Variants in PRKDC observed in about 807,000 individuals in gnomAD.
The protein encoded by PRKDC is DNA-dependent protein kinase catalytic subunit.
In PRKDC, 82 loss-of-function variants were observed where a neutral mutation model predicts 486.9. That is an observed-to-expected ratio of 0.17 (90% CI 0.14 to 0.20). The LOEUF (loss-of-function observed/expected upper bound fraction) is 0.20. Ranked by LOEUF, PRKDC falls within the 10% of genes least tolerant of loss-of-function variation. The pLI, the probability that PRKDC is intolerant of heterozygous loss-of-function variation, is 1.00. For missense variants in PRKDC, 4,504 were observed against 5,038.2 expected, an observed-to-expected ratio of 0.89 and a Z score of 3.21; for synonymous variants, 1,895 against 1,837.0, an observed-to-expected ratio of 1.03 and a Z score of -0.81.
At chr8:47,940,700 T>C (rs1589808063) in intron 10 of PRKDC, among the ~76,000 whole-genome samples, 1 of 152,366 alleles carries the variant, frequency 6.6e-6, no homozygotes, top group South Asian at 2.1e-4. Flanking sequence ...GTATTCCCAG[T>C]AAGCATGTTT....
In PRKDC at chr8:47,854,214, C is replaced by A; in HGVS notation, c.6762G>T (p.Arg2254Ser). The change falls in exon 51 of 86, where the codon AGG becomes AGT. Residue 2254 changes from arginine to serine, a missense_variant and splice_region_variant. This residue lies in a region of PRKDC where 1,592 missense variants were observed against 1,724.6 expected (regional missense o/e 0.92). Coordinates refer to ENST00000314191, the MANE Select transcript of PRKDC (RefSeq NM_006904.7). The stretch of plus-strand genomic sequence containing the variant: ...TACCGGAAAACTTTTCAAATATTAA[C>A]CTGAAACATAAGCACAAAGGAGAAA... ...CWKDCLSIPY[R>S]LIFEKFSGKD... is the part of the protein sequence containing the mutation. 6.2e-7 allele frequency: 1 copy of A among 1,612,452 alleles called. No homozygotes were observed. Among genetic ancestry groups the A allele is most frequent in the Non-Finnish European group, 8.5e-7 (1 of 1,178,524 alleles).
At chr8:47,798,520 A>G in intron 72 of PRKDC, 123 bp from the exon 73 acceptor site, 2 of 1,045,096 alleles carry the variant, frequency 1.9e-6, no homozygotes, top group East Asian at 2.7e-5. Flanking sequence ...TTCTCTTCTT[A>G]ACTACCACTT....
chr8:47,820,723 A>G lies in PRKDC; in HGVS notation c.9332T>C (p.Met3111Thr). Residue 3111 changes from methionine to threonine, a missense_variant, in exon 66 of 86, where the codon ATG becomes ACG. By Grantham distance (81) the Met-to-Thr change is moderately conservative. Transcript: ENST00000314191. The part of the protein sequence containing the change: ...YYIQNGIQSF[M>T]QNYSSIDVLL... ...ATATATAATATATAGTATTACCTGCATAAAACTCTGAATGCCATTTTGAAT... is the reference window on the plus strand; with the variant it reads ...ATATATAATATATAGTATTACCTGCGTAAAACTCTGAATGCCATTTTGAAT... 6.5e-7 allele frequency: 1 copy of G among 1,526,812 alleles called. No homozygotes were observed. Among genetic ancestry groups the G allele is most frequent in the Non-Finnish European group, 8.9e-7 (1 of 1,129,240 alleles). 94.6% of individuals were successfully genotyped at this position (1,526,812 alleles called of 1,614,324 possible).
chr8:47,919,642 A>G (rs560652492), intron 21 of PRKDC, among the ~76,000 whole-genome samples: 5 of 151,324 alleles, frequency 3.3e-5, no homozygotes, highest in Non-Finnish European at 4.4e-5. Flanking sequence ...CTCTCTAGCT[A>G]GTTCTTTTCC....
At chr8:47,943,701 C>G (rs933247187) in intron 9 of PRKDC, among the ~76,000 whole-genome samples, 152 bp downstream of exon 9, 2 of 152,234 alleles carry the variant, frequency 1.3e-5, no homozygotes, top group Admixed American at 6.5e-5. Context: ...CCAGAGCTTA[C>G]TAAGTCACCG....
intron 25 of PRKDC, among the ~76,000 whole-genome samples, chr8:47,907,691 C>T (rs1173860133): frequency 2.6e-5 from 4 of 151,818 alleles, no homozygotes; most frequent in African/African-American, 7.3e-5. Flanking sequence ...TCCACCACCA[C>T]GCCCGGCTAA....
chr8:47,893,353 A>T lies in PRKDC; in HGVS notation c.3633T>A (p.Val1211=), dbSNP rs1203661896. The change falls in exon 31 of 86, where the codon GTT becomes GTA. Residue 1211 remains valine, a synonymous_variant. Coordinates refer to ENST00000314191, the MANE Select transcript of PRKDC (RefSeq NM_006904.7). ...GAAAAGAGACACCTTCTTCCTTGAGAACATCTTTCAGCCACAAATTAGGGG... is the reference window on the plus strand; with the variant it reads ...GAAAAGAGACACCTTCTTCCTTGAGTACATCTTTCAGCCACAAATTAGGGG... ...NRSPNLWLKD[V]LKEEGVSFLI... is the part of the protein sequence containing the mutation. 1 of 1,553,188 alleles carries T rather than the reference A, an allele frequency of 6.4e-7. No individual in the cohort carries two copies. Among genetic ancestry groups the T allele is most frequent in the Non-Finnish European group, 8.8e-7 (1 of 1,142,462 alleles).
chr8:47,889,130 G>A lies in PRKDC; in HGVS notation c.4164C>T (p.Asp1388=), dbSNP rs753755880. 1.4e-5 allele frequency: 23 copies of A among 1,613,964 alleles called. No individual in the cohort carries two copies. The highest frequency in any genetic ancestry group is 1.1e-4 in the East Asian group (5 of 44,886). Reference sequence around the variant, plus strand: ...CAGGAAGATGAGCCATAACCTGGACGTCTCCGATGTTGAAACCTATGCTTG... The same window carrying A: ...CAGGAAGATGAGCCATAACCTGGACATCTCCGATGTTGAAACCTATGCTTG... ...EPASIGFNIG[D]VQVMAHLPDV... The change falls in exon 33 of 86, where the codon GAC becomes GAT. Residue 1388 remains aspartate (D), a synonymous_variant. Coordinates refer to ENST00000314191, the MANE Select transcript of PRKDC (RefSeq NM_006904.7).
chr8:47,799,158 TAAGAC>T, intron 72 of PRKDC, 47 bp downstream of exon 72: 1 of 1,601,280 alleles, frequency 6.2e-7, no homozygotes, highest in Non-Finnish European at 8.5e-7. Flanking sequence ...ACAAAATTCA[TAAGAC>T]TTTATGCTGA....
In PRKDC at chr8:47,960,106, A is replaced by C. The variant is rs1365742632; in HGVS notation, c.21T>G (p.Gly7=). MAGSGA[G]VRCSLLRLQE... ...GCAGCCGCAGCAGGGAGCAACGCAC[A>C]CCGGCTCCGGAGCCCGCCATGCCGC... Residue 7 remains glycine, a synonymous_variant, in exon 1 of 86, where the codon GGT becomes GGG. Coordinates refer to ENST00000314191, the MANE Select transcript of PRKDC (RefSeq NM_006904.7). The C allele has an allele frequency of 1.3e-6, 2 of 1,510,898 alleles. No individual in the cohort carries two copies. Among genetic ancestry groups the C allele is most frequent in the Non-Finnish European group, 1.8e-6 (2 of 1,134,256 alleles). The allele number at this position is 1,510,898 out of a possible 1,614,324, so 93.6% of individuals were successfully genotyped here. A position where few individuals can be genotyped will look rare whatever the true frequency, so the allele number is the denominator to read the frequency against.
chr8:47,908,865 A>C (rs951629935), intron 25 of PRKDC, among the ~76,000 whole-genome samples: 4 of 152,104 alleles, frequency 2.6e-5, no homozygotes, highest in African/African-American at 4.8e-5. Context: ...TTTCCTTCTA[A>C]ATCTTATTGA....
intron 36 of PRKDC, among the ~76,000 whole-genome samples, chr8:47,885,305 C>T (rs895538865): frequency 6.6e-6 from 1 of 152,044 alleles, no homozygotes; most frequent in Non-Finnish European, 1.5e-5. Flanking sequence ...GCACACACCA[C>T]CATGCCTGGC....
At chr8:47,788,707 C>T (rs1377499520) in intron 76 of PRKDC, among the ~76,000 whole-genome samples, 199 bp downstream of exon 76, 1 of 152,190 alleles carries the variant, frequency 6.6e-6, no homozygotes, top group African/African-American at 2.4e-5. Context: ...CCTACTGACT[C>T]ACCTGCTACC....
chr8:47,907,374 T>C (rs1252995349), intron 25 of PRKDC, among the ~76,000 whole-genome samples: 1 of 149,680 alleles, frequency 6.7e-6, no homozygotes. Flanking sequence ...GTACATAAGT[T>C]TTTTAATACA....
rs1563781475 is a variant in PRKDC, at chr8:47,879,641, AAG to A, written c.5083_5084del (p.Leu1695SerfsTer16). 6.3e-7 allele frequency: 1 copy of A among 1,583,442 alleles called. No homozygotes were observed. Among genetic ancestry groups the A allele is most frequent in the Non-Finnish European group, 8.6e-7 (1 of 1,167,354 alleles). On this transcript the variant is annotated frameshift_variant, in exon 39 of 86. Transcript: ENST00000314191. LOFTEE classifies it high-confidence loss of function. The part of the protein sequence containing the change: ...DLHLKGQAVT[L>X]LPFFTSLTGG... ...CAGTGAGGCTGGTGAAGAATGGAAG[AAG>A]AGTGACAGCTTGGCCCTGTGGAGCA...
In PRKDC at chr8:47,794,348, C is replaced by T. The variant is rs1259477804; in HGVS notation, c.10612G>A (p.Glu3538Lys). The T allele has an allele frequency of 1.9e-6, 3 of 1,613,640 alleles. No homozygotes were observed. Among genetic ancestry groups the T allele is most frequent in the Non-Finnish European group, 2.5e-6 (3 of 1,179,758 alleles). ...GAAGTATCCTTGAAGGAATAGCTTT[C>T]GCTGCTTATGATGAAGGGATAAACA... ...AIVYPFIISS[E>K]SYSFKDTSTG... The change falls in exon 74 of 86, where the codon GAA becomes AAA. Residue 3538 changes from glutamate to lysine, a missense_variant. Glu to Lys is a moderately conservative substitution (Grantham distance 56, BLOSUM62 1). This residue lies in a region of PRKDC where 706 missense variants were observed against 945.0 expected (regional missense o/e 0.75). Transcript: ENST00000314191.
chr8:47,824,773 T>C (rs2087695284), intron 63 of PRKDC, among the ~76,000 whole-genome samples: 1 of 152,214 alleles, frequency 6.6e-6, no homozygotes, highest in Non-Finnish European at 1.5e-5. Context: ...GTCCATGATA[T>C]TCTCAAAGTG....
rs375437673 is a variant in PRKDC at position 47,834,942 on chromosome 8, G to A, written c.7952-546C>T. Among the ~76,000 whole-genome samples, 7 of 151,960 alleles carry A rather than the reference G, an allele frequency of 4.6e-5. 1 individual carries two copies. In the East Asian group the frequency reaches 5.8e-4, roughly 13 times the overall value. Reference sequence around the variant, plus strand: ...CCTGACCTCGTGATCCGCCCGCCTCGGCCGCCCAAAGTGCTGGGATTACAG... The same window carrying A: ...CCTGACCTCGTGATCCGCCCGCCTCAGCCGCCCAAAGTGCTGGGATTACAG... On this transcript the variant is annotated intron_variant, in intron 58 of 85. Coordinates refer to ENST00000314191, the MANE Select transcript of PRKDC (RefSeq NM_006904.7).
chr8:47,928,219 A>C (rs964265093), intron 19 of PRKDC, among the ~76,000 whole-genome samples: 2 of 150,322 alleles, frequency 1.3e-5, no homozygotes, highest in East Asian at 3.9e-4. Flanking sequence ...GCATGGTGCA[A>C]TCTCGGCTCA....
Sources: gnomAD v4.1 joint callset for allele counts (sites outside exome capture counted in the v4.1 genomes callset) on GRCh38, gnomAD v4.1.1 for gene constraint, gnomAD v4.1.1 regional missense constraint, MANE v1.5 for transcripts, NCBI Gene and HGNC (gene_info 2026-07-23, HGNC 2026-07-21) for gene names.